TPRG1: variants seen among roughly 807,000 people sequenced by gnomAD.
TPRG1 encodes the protein tumor protein p63 regulated 1.
A neutral mutation model predicts 29.3 loss-of-function variants in TPRG1; 29 were observed. The observed-to-expected ratio is 0.99, with a 90% CI of 0.74 to 1.35. TPRG1 has a LOEUF of 1.35. Ranked by LOEUF, TPRG1 falls within the 40% of genes most tolerant of loss-of-function variation. The probability of loss-of-function intolerance (pLI) is 0.00; values close to 1 mark genes in which losing one functional copy is unlikely to be tolerated. For synonymous variants in TPRG1, 130 were observed against 116.8 expected, an observed-to-expected ratio of 1.11 and a Z score of -0.73; for missense variants, 327 against 335.0, an observed-to-expected ratio of 0.98 and a Z score of 0.19.
intron 4 of TPRG1, among the ~76,000 whole-genome samples, chr3:189,257,394 C>T (rs1461017161): frequency 6.6e-6 from 1 of 152,148 alleles, no homozygotes; most frequent in Non-Finnish European, 1.5e-5. Flanking sequence ...TGATGGGCTT[C>T]CCTTTGTGGG....
chr3:189,040,770 G>GT (rs1372986735), intron 4 of TPRG1, among the ~76,000 whole-genome samples: 1 of 152,100 alleles, frequency 6.6e-6, no homozygotes, highest in African/African-American at 2.4e-5. Context: ...TTCCATCCAG[G>GT]TTGTTTTCTT....
At chr3:189,186,136 T>C (rs117958189) in intron 1 of TPRG1, among the ~76,000 whole-genome samples, 1 of 152,340 alleles carries the variant, frequency 6.6e-6, no homozygotes, top group East Asian at 1.9e-4. Context: ...AAAGATAAAA[T>C]CTTTGTTCTA....
At chr3:189,215,246 T>G (rs1735887977) in intron 2 of TPRG1, 46 bp from the exon 3 acceptor site, 4 of 1,507,592 alleles carry the variant, frequency 2.7e-6, no homozygotes, top group Non-Finnish European at 3.6e-6. Flanking sequence ...AAGCGCGAAG[T>G]GGGCTAAGTC....
chr3:189,219,318 A>G (rs1228879170), intron 3 of TPRG1, among the ~76,000 whole-genome samples: 1 of 152,170 alleles, frequency 6.6e-6, no homozygotes, highest in Non-Finnish European at 1.5e-5. Context: ...AGAGTCCAAG[A>G]GGGGCACTGG....
At chr3:189,207,103 T>A in intron 1 of TPRG1, 1 of 871,648 alleles carries the variant, frequency 1.1e-6, no homozygotes, top group Non-Finnish European at 1.4e-6. Flanking sequence ...GCTCTTCTCT[T>A]GTTCAGGTTC....
At chr3:189,225,926 A>G (rs1198019617) in intron 3 of TPRG1, among the ~76,000 whole-genome samples, 8 of 152,372 alleles carry the variant, frequency 5.3e-5, no homozygotes, top group Admixed American at 1.3e-4. Context: ...TTATCTAATG[A>G]TAAAAGAGAC....
chr3:189,237,150 C>T (rs1258391258), intron 3 of TPRG1, among the ~76,000 whole-genome samples: 1 of 152,082 alleles, frequency 6.6e-6, no homozygotes, highest in Non-Finnish European at 1.5e-5. Flanking sequence ...CAAAAGTCTC[C>T]CAAAATGGTG....
chr3:189,082,312 C>A (rs1169654682), intron 4 of TPRG1, among the ~76,000 whole-genome samples: 2 of 152,208 alleles, frequency 1.3e-5, no homozygotes, highest in Non-Finnish European at 1.5e-5. Flanking sequence ...CTGGGCCTTA[C>A]ATGACCCTTG....
chr3:189,110,647 T>A (rs759546544), intron 1 of TPRG1, among the ~76,000 whole-genome samples: 11 of 152,020 alleles, frequency 7.2e-5, no homozygotes, highest in Non-Finnish European at 1.6e-4. Context: ...ATTTTTTTAA[T>A]TCTGCTTTTT....
chr3:189,269,758 G>T (rs1394617068), intron 4 of TPRG1, among the ~76,000 whole-genome samples: 1 of 152,314 alleles, frequency 6.6e-6, no homozygotes, highest in Non-Finnish European at 1.5e-5. Context: ...TTTTACAGTG[G>T]TCTTAGGGGA....
intron 4 of TPRG1, among the ~76,000 whole-genome samples, chr3:189,277,395 G>A (rs1325497620): frequency 1.3e-5 from 2 of 152,142 alleles, no homozygotes; most frequent in Non-Finnish European, 2.9e-5. Context: ...AATAAAGAGA[G>A]GAATTGATTT....
Position 189,007,895 on chromosome 3 carries a change from G to T in TPRG1, c.-660+3135G>T, listed in dbSNP as rs1190315135. 1.4e-4 allele frequency among the ~76,000 whole-genome samples: 17 copies of T among 121,692 alleles called. No individual in the cohort carries two copies. The Admixed American group carries it at 1.5e-3, about 11-fold the overall frequency. The allele number at this position is 121,692 out of a possible 152,430, so 79.8% of individuals were successfully genotyped here. ...GGGAATATCACACTCTGGGGACTGT[G>T]GTGGGGTGGGGGGAGGGGGGAGGGA... On this transcript the variant is annotated intron_variant, in intron 3 of 10. Coordinates refer to the TPRG1 transcript ENST00000433971.
At chr3:189,110,405 G>A (rs1206520899) in intron 1 of TPRG1, among the ~76,000 whole-genome samples, 2 of 152,046 alleles carry the variant, frequency 1.3e-5, no homozygotes, top group Non-Finnish European at 2.9e-5. Context: ...GTTTGTAAAT[G>A]TTGGGTTTTT....
intron 1 of TPRG1, among the ~76,000 whole-genome samples, chr3:189,113,092 G>A (rs1030258473): frequency 2.4e-4 from 36 of 152,032 alleles, no homozygotes; most frequent in Admixed American, 3.9e-4. Context: ...GGTCCTTCAC[G>A]TCCCTTGTAA....
intron 4 of TPRG1, among the ~76,000 whole-genome samples, chr3:189,028,994 A>G (rs1057359068): frequency 6.6e-6 from 1 of 151,760 alleles, no homozygotes; most frequent in Non-Finnish European, 1.5e-5. Flanking sequence ...TCTATTTCCT[A>G]TTGAAGATGG....
intron 2 of TPRG1, among the ~76,000 whole-genome samples, chr3:189,001,414 A>T (rs1712011381): frequency 6.6e-6 from 1 of 152,164 alleles, no homozygotes; most frequent in South Asian, 2.1e-4. Context: ...AGATCAAGGT[A>T]TTGGCAGATT....
chr3:189,236,535 T>C (rs1212346559), intron 3 of TPRG1, among the ~76,000 whole-genome samples: 1 of 152,166 alleles, frequency 6.6e-6, no homozygotes, highest in Non-Finnish European at 1.5e-5. Context: ...CTATCACTGT[T>C]TGGAGGTGAG....
intron 1 of TPRG1, among the ~76,000 whole-genome samples, chr3:189,106,385 T>A (rs1719827311): frequency 6.6e-6 from 1 of 152,142 alleles, no homozygotes; most frequent in South Asian, 2.1e-4. Context: ...TTTTTCTTAA[T>A]TATCTTGTTG....
At chr3:189,221,652 G>T (rs377223688) in intron 3 of TPRG1, among the ~76,000 whole-genome samples, 5 of 152,194 alleles carry the variant, frequency 3.3e-5, no homozygotes, top group African/African-American at 1.2e-4. Flanking sequence ...GAGCAGCCTG[G>T]GAGACAAAGG....
Sources: allele counts gnomAD v4.1 joint callset (sites outside exome capture counted in the v4.1 genomes callset), GRCh38; gene constraint gnomAD v4.1.1; transcripts MANE v1.5; gene names NCBI Gene and HGNC (gene_info 2026-07-23, HGNC 2026-07-21).